PDZRN4: variants seen among roughly 807,000 people sequenced by gnomAD.
PDZRN4 encodes the protein PDZ domain-containing RING finger protein 4.
Under a neutral mutation model 99.0 loss-of-function variants are expected in PDZRN4, and 70 were observed. That is an observed-to-expected ratio of 0.71 (90% CI 0.58 to 0.86). PDZRN4 has a LOEUF of 0.86. Among genes scored for constraint, PDZRN4 ranks in the 40% least tolerant of loss-of-function variants. The pLI is 0.00. For missense variants in PDZRN4, 1,474 were observed against 1,331.2 expected (o/e 1.11, Z -1.67); for synonymous variants, 551 against 501.6 (o/e 1.10, Z -1.32).
At chr12:41,242,113 A>G (rs573871738) in intron 3 of PDZRN4, among the ~76,000 whole-genome samples, 83 of 152,324 alleles carry the variant, frequency 5.4e-4, no homozygotes, top group Non-Finnish European at 9.3e-4. Context: ...TTTTCAGCTT[A>G]TCCAACTCTT....
chr12:41,313,393 T>C (rs752144206), intron 3 of PDZRN4, among the ~76,000 whole-genome samples: 2 of 152,242 alleles, frequency 1.3e-5, no homozygotes, highest in African/African-American at 2.4e-5. Flanking sequence ...GTCTTACTGC[T>C]TTGAGCAATG....
chr12:41,508,511 G>T (rs975758533), intron 4 of PDZRN4, among the ~76,000 whole-genome samples: 1 of 152,098 alleles, frequency 6.6e-6, no homozygotes, highest in African/African-American at 2.4e-5. Context: ...AATAAACGTC[G>T]AATGAATAAA....
intron 3 of PDZRN4, among the ~76,000 whole-genome samples, chr12:41,382,797 T>C (rs181430324): frequency 3.9e-5 from 6 of 152,350 alleles, no homozygotes; most frequent in Non-Finnish European, 5.9e-5. Flanking sequence ...CATTTATAGC[T>C]GTATAGCACA....
At chr12:41,366,120 C>T (rs1396957491) in intron 3 of PDZRN4, among the ~76,000 whole-genome samples, 1 of 152,122 alleles carries the variant, frequency 6.6e-6, no homozygotes, top group Non-Finnish European at 1.5e-5. Flanking sequence ...ATTCAAACTG[C>T]AAGTGTCCTG....
chr12:41,362,495 CTA>C (rs1266763713), intron 3 of PDZRN4, among the ~76,000 whole-genome samples: 9 of 151,900 alleles, frequency 5.9e-5, no homozygotes, highest in African/African-American at 1.9e-4. Context: ...AAGATGGAGG[CTA>C]TATATATATT....
At chr12:41,478,936 A>T (rs745708809) in intron 3 of PDZRN4, among the ~76,000 whole-genome samples, 3 of 152,220 alleles carry the variant, frequency 2.0e-5, no homozygotes, top group Non-Finnish European at 4.4e-5. Context: ...CCAAATCAAA[A>T]TTCTAAGGGA....
chr12:41,498,644 A>G (rs1479143484), intron 3 of PDZRN4, among the ~76,000 whole-genome samples: 2 of 152,130 alleles, frequency 1.3e-5, no homozygotes, highest in Non-Finnish European at 2.9e-5. Flanking sequence ...TTCATATCTC[A>G]ACACTGTTGC....
At chr12:41,530,612 G>C (rs1938644495) in intron 5 of PDZRN4, among the ~76,000 whole-genome samples, 1 of 152,122 alleles carries the variant, frequency 6.6e-6, no homozygotes, top group Non-Finnish European at 1.5e-5. Flanking sequence ...TATTAATAGA[G>C]TTCTCTGGGG....
chr12:41,352,607 T>G (rs965852537), intron 3 of PDZRN4, among the ~76,000 whole-genome samples: 1 of 152,186 alleles, frequency 6.6e-6, no homozygotes, highest in East Asian at 1.9e-4. Context: ...TGATAAGGCC[T>G]TGACTAATAG....
chr12:41,545,526 T>A (rs1938933024), intron 5 of PDZRN4, among the ~76,000 whole-genome samples: 1 of 148,836 alleles, frequency 6.7e-6, no homozygotes, highest in Non-Finnish European at 1.5e-5. Flanking sequence ...TGTGTGTGTG[T>A]GTGTGTGTGT....
chr12:41,282,653 G>A (rs919692461), intron 3 of PDZRN4, among the ~76,000 whole-genome samples: 21 of 152,076 alleles, frequency 1.4e-4, no homozygotes, highest in Middle Eastern at 3.4e-3. Context: ...GCAAAAGAAC[G>A]GAAATCAAAA....
intron 3 of PDZRN4, among the ~76,000 whole-genome samples, chr12:41,338,551 CA>C (rs1951791808): frequency 6.6e-6 from 1 of 151,370 alleles, no homozygotes; most frequent in Admixed American, 6.6e-5. Context: ...AAAAAATCAA[CA>C]AAACTTCAAC....
In PDZRN4 at chr12:41,300,085, A is replaced by C. The variant is rs550876216; in HGVS notation, c.843+105897A>C. 2.0e-5 allele frequency among the ~76,000 whole-genome samples: 3 copies of C among 151,972 alleles called. No homozygotes were observed. In the South Asian group the frequency reaches 6.2e-4, roughly 32 times the overall value. ...ATTTATTTGTGTCATATTTTATATA[A>C]TGTATATTGTTATGTCATCTTTAGG... On this transcript the variant is annotated intron_variant, in intron 3 of 9. Transcript: ENST00000402685.
chr12:41,289,492 T>C (rs1951442744), intron 3 of PDZRN4, among the ~76,000 whole-genome samples: 1 of 152,148 alleles, frequency 6.6e-6, no homozygotes, highest in South Asian at 2.1e-4. Flanking sequence ...GTCCCTGAAA[T>C]ATAAATGCAG....
chr12:41,572,237 T>A, intron 9 of PDZRN4, 127 bp from the exon 10 acceptor site: 1 of 722,530 alleles, frequency 1.4e-6, no homozygotes, highest in Non-Finnish European at 2.2e-6. Context: ...TGATGGACCC[T>A]AAATTAGAGC....
chr12:41,566,863 C>T (rs898624456), intron 8 of PDZRN4, among the ~76,000 whole-genome samples: 9 of 152,156 alleles, frequency 5.9e-5, no homozygotes, highest in African/African-American at 1.9e-4. Flanking sequence ...TTAATTTAAT[C>T]AGCATAGACA....
At chr12:41,337,578 G>T (rs10880039) in intron 3 of PDZRN4, among the ~76,000 whole-genome samples, 58,460 of 151,966 alleles carry the variant, frequency 0.38, 11,331 homozygotes, top group African/African-American at 0.41. Flanking sequence ...AATGGAGCTT[G>T]GTTCTTCAGA....
At chr12:41,489,694 AAGAGAAC>A in intron 3 of PDZRN4, among the ~76,000 whole-genome samples, 1 of 151,234 alleles carries the variant, frequency 6.6e-6, no homozygotes. Flanking sequence ...TTTTTTCCAA[AAGAGAAC>A]TCTTACCTTG....
At chr12:41,411,862 TAAG>T (rs1952402595) in intron 3 of PDZRN4, 1 of 152,194 alleles carries the variant, frequency 6.6e-6, no homozygotes, top group East Asian at 1.9e-4. Flanking sequence ...TAGTTATAGC[TAAG>T]AAGAACTCTT....
Sources: gnomAD v4.1 joint callset for allele counts (sites outside exome capture counted in the v4.1 genomes callset) on GRCh38, gnomAD v4.1.1 for gene constraint, MANE v1.5 for transcripts, NCBI Gene and HGNC (gene_info 2026-07-23, HGNC 2026-07-21) for gene names.